The following KPNB1 variants were observed in gnomAD, a reference collection of about 807,000 sequenced individuals.
The protein encoded by KPNB1 is karyopherin subunit beta 1, also known as importin subunit beta-1.
Under a neutral mutation model 113.0 loss-of-function variants are expected in KPNB1, and 7 were observed. The ratio of observed to expected loss-of-function variants is 0.06; its 90% CI spans 0.04 to 0.12. The LOEUF is 0.12. Ranked by LOEUF, KPNB1 falls within the 10% of genes least tolerant of loss-of-function variation. The pLI is 1.00. For synonymous variants in KPNB1, 363 were observed against 378.6 expected, an observed-to-expected ratio of 0.96 and a Z score of 0.48; for missense variants, 400 against 1,054.8, an observed-to-expected ratio of 0.38 and a Z score of 8.60.
chr17:47,670,681 T>G, intron 11 of KPNB1, 21 bp from the exon 12 acceptor site: 1 of 1,596,770 alleles, frequency 6.3e-7, no homozygotes. Context: ...AGGATTAACA[T>G]TGAACCTATG....
intron 21 of KPNB1, among the ~76,000 whole-genome samples, chr17:47,681,691 T>TG (rs1229226850): frequency 7.0e-6 from 1 of 141,958 alleles, no homozygotes; most frequent in East Asian, 2.0e-4. Flanking sequence ...TATAGGTTTT[T>TG]TTTTTTTTTT....
intron 2 of KPNB1, 62 bp downstream of exon 2, chr17:47,650,506 C>T (rs1915510730): frequency 4.0e-6 from 6 of 1,499,122 alleles, no homozygotes; most frequent in Admixed American, 1.9e-5. Flanking sequence ...CGGGGCCTTC[C>T]CGCCCTCCCG....
Position 47,656,723 on chromosome 17 carries a change from G to A in KPNB1, c.283-137G>A, listed in dbSNP as rs113376640. ...TGATCGTGCCACTGCACTCCAGTCC[G>A]GGCAACATAGTGAGACCCTGTCTTA... is the stretch of plus-strand genomic sequence containing the variant. On this transcript the variant is annotated intron_variant, in intron 3 of 21. Coordinates refer to ENST00000290158, the MANE Select transcript of KPNB1 (RefSeq NM_002265.6). 578 of 803,510 alleles carry A rather than the reference G, an allele frequency of 7.2e-4. 3 individuals are homozygous for A. The African/African-American group carries it at 8.9e-3, about 12-fold the overall frequency. The allele number at this position is 803,510 out of a possible 1,614,324, so 49.8% of individuals were successfully genotyped here.
chr17:47,678,877 G>A (rs1336882528), intron 19 of KPNB1, among the ~76,000 whole-genome samples: 1 of 151,968 alleles, frequency 6.6e-6, no homozygotes, highest in African/African-American at 2.4e-5. Context: ...CAAAGTGCTG[G>A]GATTACAGGC....
chr17:47,678,022 A>C, intron 17 of KPNB1, 24 bp from the exon 18 acceptor site: 3 of 1,602,600 alleles, frequency 1.9e-6, no homozygotes, highest in East Asian at 2.2e-5. Flanking sequence ...GACTTAATTC[A>C]CTTTTCCTTT....
At chr17:47,681,255 T>C (rs2030766336) in intron 21 of KPNB1, among the ~76,000 whole-genome samples, 1 of 151,084 alleles carries the variant, frequency 6.6e-6, no homozygotes, top group South Asian at 2.1e-4. Context: ...TTTTCTTTTC[T>C]TTTCTTCTTC....
intron 8 of KPNB1, 41 bp from the exon 9 acceptor site, chr17:47,665,016 C>A: frequency 1.3e-6 from 2 of 1,482,430 alleles, no homozygotes; most frequent in Non-Finnish European, 1.9e-6. Flanking sequence ...GTATACAGAG[C>A]TCGGTTGCTT....
intron 5 of KPNB1, among the ~76,000 whole-genome samples, chr17:47,659,208 G>T (rs112221321): frequency 0.12 from 18,793 of 152,064 alleles, 1,451 homozygotes; most frequent in Non-Finnish European, 0.17. Flanking sequence ...AATTAGCCGG[G>T]TGTGGTGGCG....
At chr17:47,652,904 A>G in intron 3 of KPNB1, 28 bp downstream of exon 3, 3 of 1,509,468 alleles carry the variant, frequency 2.0e-6, no homozygotes, top group Middle Eastern at 1.8e-4. Flanking sequence ...GTTTGGTTAT[A>G]TTGCCCAGAG....
intron 9 of KPNB1, among the ~76,000 whole-genome samples, chr17:47,666,539 T>C (rs1194069642): frequency 9.7e-6 from 1 of 103,166 alleles, no homozygotes; most frequent in African/African-American, 3.3e-5. Context: ...ATGTTATATA[T>C]TATATATTAT....
rs1281165452 is a variant in KPNB1 at position 47,683,931 on chromosome 17, T to C, written c.*1527T>C. On this transcript the variant is annotated 3_prime_UTR_variant, in exon 22 of 22. Transcript: ENST00000290158. ...AAATCAGACTTAATTATTTTCCCTTTTACAAGGGAACAGGGCATCCTGAAT... is the reference window on the plus strand; with the variant it reads ...AAATCAGACTTAATTATTTTCCCTTCTACAAGGGAACAGGGCATCCTGAAT... 2 of 152,244 alleles carry C rather than the reference T, an allele frequency of 1.3e-5. No individual in the cohort carries two copies. The highest frequency in any genetic ancestry group is 3.8e-4 in the East Asian group (2 of 5,200). 9.4% of individuals were successfully genotyped at this position (152,244 alleles called of 1,614,324 possible).
rs758744606 is a variant in KPNB1 at position 47,650,222 on chromosome 17, T to TCGC, written c.-12_-10dup. ...GGCCGGGCCGTCGTCTTAGGAGGAG[T>TCGC]CGCCGCCGCCGCCACCTCCGCCATG... On this transcript the variant is annotated 5_prime_UTR_variant, in exon 1 of 22. Coordinates refer to ENST00000290158, the MANE Select transcript of KPNB1 (RefSeq NM_002265.6). 1.4e-5 allele frequency: 20 copies of TCGC among 1,418,840 alleles called. No homozygotes were observed. In the Admixed American group the frequency reaches 1.9e-4, roughly 14 times the overall value. The allele number at this position is 1,418,840 out of a possible 1,614,324, so 87.9% of individuals were successfully genotyped here.
At chr17:47,660,765 A>T (rs892390416) in intron 5 of KPNB1, among the ~76,000 whole-genome samples, 4 of 152,246 alleles carry the variant, frequency 2.6e-5, no homozygotes, top group Non-Finnish European at 4.4e-5. Flanking sequence ...ATTCTCTTAT[A>T]TAAGGAAACT....
chr17:47,676,599 T>C (rs1246895204), intron 16 of KPNB1, 108 bp downstream of exon 16: 2 of 779,638 alleles, frequency 2.6e-6, no homozygotes, highest in East Asian at 5.3e-5. Context: ...TGATACATTG[T>C]CCTAAAAGGC....
rs539894742 is a variant in KPNB1, at chr17:47,684,777, T to C, written c.*2373T>C. The C allele has an allele frequency of 2.4e-4, 37 of 152,876 alleles. 2 individuals are homozygous for C. The South Asian group carries it at 7.0e-3, about 29-fold the overall frequency. 9.5% of individuals were successfully genotyped at this position (152,876 alleles called of 1,614,324 possible). A position where few individuals can be genotyped will look rare whatever the true frequency, so the allele number is the denominator to read the frequency against. ...AGTGGTGGAGAGGAGGAAAATGGGCTGGTTGGATGTGGTCTTGGTGCCTTG... is the reference window on the plus strand; with the variant it reads ...AGTGGTGGAGAGGAGGAAAATGGGCCGGTTGGATGTGGTCTTGGTGCCTTG... On this transcript the variant is annotated 3_prime_UTR_variant, in exon 22 of 22. Transcript: ENST00000290158.
At chr17:47,660,111 C>G (rs913336902) in intron 5 of KPNB1, among the ~76,000 whole-genome samples, 1 of 152,180 alleles carries the variant, frequency 6.6e-6, no homozygotes, top group Non-Finnish European at 1.5e-5. Context: ...AACAACAACT[C>G]CTCATTTCCC....
In KPNB1 at chr17:47,676,392, A is replaced by G; in HGVS notation, c.1913-17A>G. On this transcript the variant is annotated splice_polypyrimidine_tract_variant and intron_variant, in intron 15 of 21. Transcript: ENST00000290158. ...ACCCGTGGTGCTGTCATTGGCTAAT[A>G]GCTTATTTCATTACAGTGTTGGGTG... 1 of 1,590,584 alleles carries G rather than the reference A, an allele frequency of 6.3e-7. No homozygotes were observed. Among genetic ancestry groups the G allele is most frequent in the Non-Finnish European group, 8.6e-7 (1 of 1,158,510 alleles).
chr17:47,667,221 G>A (rs1567891635), intron 9 of KPNB1, among the ~76,000 whole-genome samples: 2 of 152,020 alleles, frequency 1.3e-5, no homozygotes, highest in Non-Finnish European at 2.9e-5. Flanking sequence ...CATCTCCCTG[G>A]TTCATGTGAT....
Position 47,678,290 on chromosome 17 carries a change from GTTC to G in KPNB1, c.2248-15_2248-13del. ...AAGTGATCAGTGTGATGTAGGTTCTGTTCTTTGTGTCTTACAGTCAGACTATGA... is the reference window on the plus strand; with the variant it reads ...AAGTGATCAGTGTGATGTAGGTTCTGTTTGTGTCTTACAGTCAGACTATGA... On this transcript the variant is annotated splice_polypyrimidine_tract_variant and intron_variant, in intron 18 of 21. Transcript: ENST00000290158. The G allele has an allele frequency of 6.2e-7, 1 of 1,611,972 alleles. No homozygotes were observed. Among genetic ancestry groups the G allele is most frequent in the Non-Finnish European group, 8.5e-7 (1 of 1,178,018 alleles).
Sources: gnomAD v4.1 joint callset for allele counts (sites outside exome capture counted in the v4.1 genomes callset) on GRCh38, gnomAD v4.1.1 for gene constraint, MANE v1.5 for transcripts, NCBI Gene and HGNC (gene_info 2026-07-23, HGNC 2026-07-21) for gene names.